Variants in SORCS3 observed in about 807,000 individuals in gnomAD.
SORCS3 encodes VPS10 domain-containing receptor SorCS3.
In SORCS3, 57 loss-of-function variants were observed where a neutral mutation model predicts 146.3. The observed-to-expected ratio is 0.39, with a 90% CI of 0.31 to 0.49. The LOEUF (loss-of-function observed/expected upper bound fraction) is 0.49. SORCS3 is among the 20% of genes least tolerant of loss of function. The pLI is 0.92. For synonymous variants in SORCS3, 653 were observed against 618.5 expected (o/e 1.06, Z -0.83); for missense variants, 1,341 against 1,575.5 (o/e 0.85, Z 2.52).
intron 3 of SORCS3, among the ~76,000 whole-genome samples, chr10:104,922,465 C>T (rs1372936755): frequency 6.6e-6 from 1 of 152,082 alleles, no homozygotes; most frequent in Non-Finnish European, 1.5e-5. Flanking sequence ...CGGATGCATG[C>T]AGGGGCCAGA....
At chr10:104,966,875 T>C (rs1231448002) in intron 3 of SORCS3, among the ~76,000 whole-genome samples, 2 of 152,178 alleles carry the variant, frequency 1.3e-5, no homozygotes, top group Non-Finnish European at 2.9e-5. Flanking sequence ...CTGAGTGTCC[T>C]TTGCAATTTG....
intron 1 of SORCS3, among the ~76,000 whole-genome samples, chr10:104,795,593 A>G (rs1330350453): frequency 2.6e-5 from 4 of 152,268 alleles, no homozygotes; most frequent in Admixed American, 6.5e-5. Flanking sequence ...TCATGGTACA[A>G]CATGGTGTAG....
intron 2 of SORCS3, among the ~76,000 whole-genome samples, chr10:104,888,249 T>C (rs2018711944): frequency 6.6e-6 from 1 of 152,238 alleles, no homozygotes; most frequent in South Asian, 2.1e-4. Flanking sequence ...AGAATAAAAC[T>C]GAAAATTAAA....
chr10:105,070,182 G>T (rs2055547789), intron 5 of SORCS3, among the ~76,000 whole-genome samples: 1 of 152,174 alleles, frequency 6.6e-6, no homozygotes, highest in African/African-American at 2.4e-5. Flanking sequence ...TCCCTCAAAT[G>T]TAATTAGGAA....
At chr10:105,234,335 T>C (rs955254399) in intron 20 of SORCS3, among the ~76,000 whole-genome samples, 3 of 152,026 alleles carry the variant, frequency 2.0e-5, no homozygotes, top group Non-Finnish European at 4.4e-5. Context: ...TTTTTTGTAG[T>C]TTGAAAATGA....
At chr10:105,254,118 A>G (rs1205969100) in intron 23 of SORCS3, among the ~76,000 whole-genome samples, 1 of 152,216 alleles carries the variant, frequency 6.6e-6, no homozygotes, top group Admixed American at 6.5e-5. Context: ...TTGCTAGGGA[A>G]AAGTAAAGAA....
chr10:105,051,264 C>G (rs1410260331), intron 5 of SORCS3, among the ~76,000 whole-genome samples: 1 of 151,990 alleles, frequency 6.6e-6, no homozygotes, highest in African/African-American at 2.4e-5. Context: ...ATCACATTGT[C>G]TGGATTTTAG....
At chr10:104,686,903 G>A (rs35255246) in intron 1 of SORCS3, among the ~76,000 whole-genome samples, 62,796 of 151,298 alleles carry the variant, frequency 0.42, 14,313 homozygotes, top group Middle Eastern at 0.65. Flanking sequence ...CCATGCATCC[G>A]TCTTTCCATC....
intron 14 of SORCS3, among the ~76,000 whole-genome samples, chr10:105,198,199 C>A (rs775980285): frequency 1.3e-5 from 2 of 152,112 alleles, no homozygotes; most frequent in African/African-American, 4.8e-5. Flanking sequence ...TCTGACATGA[C>A]GTTTTTTGTG....
chr10:104,732,925 GC>G (rs989169466), intron 1 of SORCS3, among the ~76,000 whole-genome samples: 12 of 152,122 alleles, frequency 7.9e-5, no homozygotes, highest in Non-Finnish European at 1.3e-4. Context: ...CCTCTTTCAG[GC>G]CCCATTCATG....
chr10:105,239,129 A>C (rs992160946), intron 20 of SORCS3, among the ~76,000 whole-genome samples: 1 of 152,190 alleles, frequency 6.6e-6, no homozygotes. Flanking sequence ...GTTGAGTTTT[A>C]GTTTAAAACT....
chr10:104,757,683 G>A (rs2017070016), intron 1 of SORCS3, among the ~76,000 whole-genome samples: 1 of 152,094 alleles, frequency 6.6e-6, no homozygotes, highest in South Asian at 2.1e-4. Flanking sequence ...CAGTTCGGGG[G>A]TGTGAACTTT....
At chr10:104,681,744 A>G (rs936140690) in intron 1 of SORCS3, among the ~76,000 whole-genome samples, 47 of 152,196 alleles carry the variant, frequency 3.1e-4, no homozygotes, top group East Asian at 1.2e-3. Context: ...CCAATACCCC[A>G]GTAAAGCTCC....
chr10:105,063,222 T>C (rs2055499696), intron 5 of SORCS3, among the ~76,000 whole-genome samples: 1 of 152,186 alleles, frequency 6.6e-6, no homozygotes, highest in Admixed American at 6.5e-5. Context: ...TAAGAATCCT[T>C]CCTTTCTGCT....
chr10:105,046,494 G>A (rs773235844), intron 5 of SORCS3, among the ~76,000 whole-genome samples: 31 of 152,060 alleles, frequency 2.0e-4, no homozygotes, highest in Non-Finnish European at 4.3e-4. Context: ...CAGAAAGAAC[G>A]AACCCCGTGC....
chr10:104,983,227 T>G (rs1278819387), intron 4 of SORCS3, among the ~76,000 whole-genome samples: 1 of 151,982 alleles, frequency 6.6e-6, no homozygotes, highest in East Asian at 1.9e-4. Context: ...TCTCAAGCTC[T>G]TGACCTCAGG....
intron 3 of SORCS3, among the ~76,000 whole-genome samples, chr10:104,958,719 TATAAATTACTG>T (rs2054771300): frequency 2.0e-5 from 3 of 152,156 alleles, no homozygotes; most frequent in Admixed American, 6.5e-5. Context: ...ACCAGTAATT[TATAAATTACTG>T]AGTAATTTAT....
At chr10:104,808,980 A>G (rs897752944) in intron 1 of SORCS3, among the ~76,000 whole-genome samples, 4 of 152,330 alleles carry the variant, frequency 2.6e-5, no homozygotes, top group South Asian at 4.1e-4. Context: ...TGCGTTGGCT[A>G]TAGTAAAATG....
chr10:105,023,632 G>T (rs1442246607), intron 4 of SORCS3, among the ~76,000 whole-genome samples: 1 of 152,094 alleles, frequency 6.6e-6, no homozygotes, highest in South Asian at 2.1e-4. Flanking sequence ...TGTATTTTCA[G>T]CATTTTAGTC....
Sources: allele counts gnomAD v4.1 joint callset (sites outside exome capture counted in the v4.1 genomes callset), GRCh38; gene constraint gnomAD v4.1.1; transcripts MANE v1.5; gene names NCBI Gene and HGNC (gene_info 2026-07-23, HGNC 2026-07-21).